Variants in CNTNAP5 observed in about 807,000 individuals in gnomAD.
CNTNAP5 encodes the protein contactin associated protein family member 5.
Under a neutral mutation model 150.2 loss-of-function variants are expected in CNTNAP5, and 72 were observed. The ratio of observed to expected loss-of-function variants is 0.48; its 90% CI spans 0.40 to 0.58. CNTNAP5 has a LOEUF of 0.58. Among genes scored for constraint, CNTNAP5 ranks in the 20% least tolerant of loss-of-function variants. The pLI is 0.00. For synonymous variants in CNTNAP5, 672 were observed against 619.8 expected (o/e 1.08, Z -1.25); for missense variants, 1,636 against 1,626.2 (o/e 1.01, Z -0.10).
At chr2:124,847,770 A>G (rs1683079500) in intron 19 of CNTNAP5, among the ~76,000 whole-genome samples, 1 of 152,114 alleles carries the variant, frequency 6.6e-6, no homozygotes, top group African/African-American at 2.4e-5. Flanking sequence ...TTAATTCTCG[A>G]GAATATTCTC....
intron 10 of CNTNAP5, among the ~76,000 whole-genome samples, chr2:124,550,742 T>C (rs1695610325): frequency 6.6e-6 from 1 of 152,162 alleles, no homozygotes; most frequent in African/African-American, 2.4e-5. Context: ...ATGGGTTGAT[T>C]AAAGAAATTT....
intron 12 of CNTNAP5, among the ~76,000 whole-genome samples, chr2:124,631,797 G>T (rs11677481): frequency 1.3e-5 from 2 of 152,034 alleles, no homozygotes; most frequent in African/African-American, 4.8e-5. Context: ...CCTACAGAAT[G>T]GGAGAACATT....
At chr2:124,258,088 A>T (rs1386608476) in intron 3 of CNTNAP5, among the ~76,000 whole-genome samples, 1 of 152,120 alleles carries the variant, frequency 6.6e-6, no homozygotes, top group Non-Finnish European at 1.5e-5. Context: ...AAAATGACCC[A>T]TGCAAATGCC....
chr2:124,855,958 A>G (rs977243074), intron 19 of CNTNAP5, among the ~76,000 whole-genome samples: 4 of 152,054 alleles, frequency 2.6e-5, no homozygotes, highest in African/African-American at 9.7e-5. Context: ...GTGAGAACTT[A>G]CAATGTTTGG....
chr2:124,541,672 A>AATCACTGTTGT (rs1695388356), intron 10 of CNTNAP5, among the ~76,000 whole-genome samples: 1 of 152,124 alleles, frequency 6.6e-6, no homozygotes, highest in Non-Finnish European at 1.5e-5. Flanking sequence ...AGGGAATACA[A>AATCACTGTTGT]ATCACTGTTG....
At chr2:124,581,850 A>G (rs1232534806) in intron 11 of CNTNAP5, among the ~76,000 whole-genome samples, 1 of 152,202 alleles carries the variant, frequency 6.6e-6, no homozygotes, top group Non-Finnish European at 1.5e-5. Context: ...GACTACCTGC[A>G]TTACACCATT....
At chr2:124,102,410 A>G (rs1477034439) in intron 1 of CNTNAP5, among the ~76,000 whole-genome samples, 1 of 152,212 alleles carries the variant, frequency 6.6e-6, no homozygotes, top group Non-Finnish European at 1.5e-5. Flanking sequence ...GATGAAAGGA[A>G]CACAGCGCCA....
At chr2:124,890,618 G>A (rs1272862479) in intron 21 of CNTNAP5, among the ~76,000 whole-genome samples, 1 of 152,118 alleles carries the variant, frequency 6.6e-6, no homozygotes, top group African/African-American at 2.4e-5. Context: ...GGTTGACGTG[G>A]TGTGCAAAGC....
chr2:124,823,521 G>A (rs1682532944), intron 19 of CNTNAP5, among the ~76,000 whole-genome samples: 1 of 152,110 alleles, frequency 6.6e-6, no homozygotes, highest in Non-Finnish European at 1.5e-5. Flanking sequence ...TGATTTTATT[G>A]CAAACCAGCC....
At chr2:124,201,237 G>A (rs1484020645) in intron 1 of CNTNAP5, among the ~76,000 whole-genome samples, 1 of 152,116 alleles carries the variant, frequency 6.6e-6, no homozygotes, top group Non-Finnish European at 1.5e-5. Flanking sequence ...CCACTCTCAG[G>A]TACATGCACT....
chr2:124,686,502 T>C (rs1290152721), intron 13 of CNTNAP5, among the ~76,000 whole-genome samples: 1 of 152,082 alleles, frequency 6.6e-6, no homozygotes, highest in Non-Finnish European at 1.5e-5. Flanking sequence ...AAGGACCTGG[T>C]ACCGGAGAGA....
chr2:124,448,672 A>G (rs1692889357), intron 6 of CNTNAP5, among the ~76,000 whole-genome samples: 1 of 152,218 alleles, frequency 6.6e-6, no homozygotes. Context: ...GTGTGAGTTA[A>G]GACTAATTTT....
chr2:124,629,182 C>G (rs1191201089), intron 12 of CNTNAP5, among the ~76,000 whole-genome samples: 1 of 152,078 alleles, frequency 6.6e-6, no homozygotes, highest in Non-Finnish European at 1.5e-5. Context: ...ATATTCAAGG[C>G]TTGAATGCAG....
intron 7 of CNTNAP5, among the ~76,000 whole-genome samples, chr2:124,491,125 CCAT>C (rs1292449277): frequency 6.6e-6 from 1 of 152,068 alleles, no homozygotes; most frequent in Non-Finnish European, 1.5e-5. Context: ...ATCAACACAA[CCAT>C]CATCGTCTAT....
At chr2:124,461,830 C>T (rs1006299154) in intron 6 of CNTNAP5, among the ~76,000 whole-genome samples, 6 of 143,732 alleles carry the variant, frequency 4.2e-5, no homozygotes, top group African/African-American at 1.6e-4. Flanking sequence ...CATTGCACTC[C>T]AGCCTGGGTG....
chr2:124,358,334 C>T (rs1335321678), intron 3 of CNTNAP5, among the ~76,000 whole-genome samples: 10 of 152,104 alleles, frequency 6.6e-5, no homozygotes, highest in Non-Finnish European at 4.4e-5. Context: ...GAACTTCCAA[C>T]ACTACGTTGA....
intron 3 of CNTNAP5, among the ~76,000 whole-genome samples, chr2:124,332,401 T>A (rs933753738): frequency 6.6e-6 from 1 of 151,290 alleles, no homozygotes. Context: ...TAAACCAGCA[T>A]TCTGTAGACT....
intron 21 of CNTNAP5, among the ~76,000 whole-genome samples, chr2:124,884,980 T>G (rs2104741960): frequency 6.6e-6 from 1 of 152,210 alleles, no homozygotes; most frequent in East Asian, 1.9e-4. Context: ...ATGCTAAGTC[T>G]TCTAAATGTA....
intron 3 of CNTNAP5, among the ~76,000 whole-genome samples, chr2:124,302,413 T>G (rs566104911): frequency 2.0e-5 from 3 of 152,226 alleles, no homozygotes; most frequent in African/African-American, 7.2e-5. Context: ...GGCTTATGGG[T>G]CTAGAGGCTG....
Sources: gnomAD v4.1 joint callset for allele counts (sites outside exome capture counted in the v4.1 genomes callset) on GRCh38, gnomAD v4.1.1 for gene constraint, MANE v1.5 for transcripts, NCBI Gene and HGNC (gene_info 2026-07-23, HGNC 2026-07-21) for gene names.